Variants in NR4A3 observed in about 807,000 individuals in gnomAD.
NR4A3 encodes nuclear receptor subfamily 4 group A member 3, also known as chondrosarcoma, extraskeletal myxoid, fused to EWS.
A neutral mutation model predicts 55.6 loss-of-function variants in NR4A3; 13 were observed. The ratio of observed to expected loss-of-function variants is 0.23; its 90% CI spans 0.15 to 0.37. The LOEUF is 0.37. NR4A3 is among the 10% of genes least tolerant of loss of function. The pLI is 1.00. For synonymous variants in NR4A3, 342 were observed against 357.9 expected, an observed-to-expected ratio of 0.96 and a Z score of 0.50; for missense variants, 646 against 822.8, an observed-to-expected ratio of 0.79 and a Z score of 2.63.
intron 5 of NR4A3, among the ~76,000 whole-genome samples, chr9:99,837,880 A>G (rs1474462480): frequency 6.6e-6 from 1 of 152,150 alleles, no homozygotes; most frequent in Non-Finnish European, 1.5e-5. Flanking sequence ...GTAGTAAGTG[A>G]GCAGTTTTCT....
At chr9:99,834,154 C>A in intron 5 of NR4A3, 2 of 471,598 alleles carry the variant, frequency 4.2e-6, no homozygotes, top group Non-Finnish European at 5.7e-6. Flanking sequence ...TTAAGTCAAC[C>A]AAAACATATC....
At chr9:99,862,967 G>A (rs901197363) in intron 7 of NR4A3, among the ~76,000 whole-genome samples, 1 of 152,080 alleles carries the variant, frequency 6.6e-6, no homozygotes, top group African/African-American at 2.4e-5. Flanking sequence ...GGTCAACAGG[G>A]GTTTCAAGTG....
rs1481856732 is a variant in NR4A3, at chr9:99,828,447, C to A, written c.405C>A (p.Phe135Leu). 1.3e-6 allele frequency: 2 copies of A among 1,580,608 alleles called. No homozygotes were observed. Among genetic ancestry groups the A allele is most frequent in the East Asian group, 2.2e-5 (1 of 44,602 alleles). The change falls in exon 3 of 8, where the codon TTC (phenylalanine) becomes TTA (leucine). Residue 135 changes from phenylalanine (F) to leucine (L), a missense_variant. This residue lies in a region of NR4A3 where 426 missense variants were observed against 429.4 expected (regional missense o/e 0.99). Transcript: ENST00000395097. The surrounding 1 kb of genome is among the most constrained non-coding windows in gnomAD (Gnocchi z 7.7). ...DEVLPSTSMY[F>L]KQSPPSTPTT... ...TGCTGCCCAGCACCTCCATGTACTTCAAGCAGTCCCCACCGTCCACCCCCA... is the reference window on the plus strand; with the variant it reads ...TGCTGCCCAGCACCTCCATGTACTTAAAGCAGTCCCCACCGTCCACCCCCA...
At position 99,828,984 on chromosome 9, in the gene NR4A3, C is replaced by T; in HGVS notation, c.942C>T (p.Gly314=). Reference sequence around the variant, plus strand: ...TGCGAACCTGCGAGGGCTGCAAGGGCTTTTTCAAGGTGAGCGCACGCCGCC... The same window carrying T: ...TGCGAACCTGCGAGGGCTGCAAGGGTTTTTTCAAGGTGAGCGCACGCCGCC... The part of the protein sequence containing the change: ...YGVRTCEGCK[G]FFKRTVQKNA... The change falls in exon 3 of 8, where the codon GGC becomes GGT. Residue 314 remains glycine (G), a synonymous_variant. Transcript: ENST00000395097. The surrounding 1 kb of genome is among the most constrained non-coding windows in gnomAD (Gnocchi z 7.7). 1 of 1,372,352 alleles carries T rather than the reference C, an allele frequency of 7.3e-7. No homozygotes were observed. The highest frequency in any genetic ancestry group is 9.4e-7 in the Non-Finnish European group (1 of 1,061,070). 85.0% of individuals were successfully genotyped at this position (1,372,352 alleles called of 1,614,324 possible).
chr9:99,828,352 C>A lies in NR4A3; in HGVS notation c.310C>A (p.His104Asn). ...YHHHHHHHHH[H>N]HHHHQQQHQQ... is the part of the protein sequence containing the mutation. ...TCACCATCACCACCACCACCACCACCACCACCACCATCACCAGCAGCAGCA... is the reference window on the plus strand; with the variant it reads ...TCACCATCACCACCACCACCACCACAACCACCACCATCACCAGCAGCAGCA... The change falls in exon 3 of 8, where the codon CAC becomes AAC. Residue 104 changes from histidine (H) to asparagine (N), a missense_variant. Physicochemically the swap from His to Asn is moderately conservative, Grantham distance 68. Coordinates refer to ENST00000395097, the MANE Select transcript of NR4A3 (RefSeq NM_006981.4). This position sits in a 1 kb window ranked among gnomAD's most constrained non-coding sequence, Gnocchi z 7.7. The A allele has an allele frequency of 6.2e-7, 1 of 1,603,720 alleles. No individual in the cohort carries two copies. Among genetic ancestry groups the A allele is most frequent in the Non-Finnish European group, 8.5e-7 (1 of 1,175,858 alleles).
At chr9:99,838,866 G>T (rs1827603878) in intron 5 of NR4A3, among the ~76,000 whole-genome samples, 1 of 152,228 alleles carries the variant, frequency 6.6e-6, no homozygotes. Context: ...CATCGATATA[G>T]TTTATAATAA....
At chr9:99,835,883 C>T (rs570933505) in intron 5 of NR4A3, among the ~76,000 whole-genome samples, 12 of 152,258 alleles carry the variant, frequency 7.9e-5, no homozygotes, top group African/African-American at 2.4e-4. Context: ...GCAGATTGAC[C>T]ATGCCAGAGC....
intron 7 of NR4A3, among the ~76,000 whole-genome samples, chr9:99,855,001 T>A (rs1827904492): frequency 6.7e-6 from 1 of 149,860 alleles, no homozygotes; most frequent in Non-Finnish European, 1.5e-5. Flanking sequence ...CCTCTTTTAG[T>A]TCCTTGAGCA....
In NR4A3 at chr9:99,865,308, A is replaced by G. The variant is rs2118193854; in HGVS notation, c.*1441A>G. ...TTAGAAATTAAATAAGCAAATATATATATATATATAAATATAGCAGGTTAC... is the reference window on the plus strand; with the variant it reads ...TTAGAAATTAAATAAGCAAATATATGTATATATATAAATATAGCAGGTTAC... On this transcript the variant is annotated 3_prime_UTR_variant, in exon 8 of 8. Transcript: ENST00000395097. This position sits in a 1 kb window ranked among gnomAD's most constrained non-coding sequence, Gnocchi z 4.3. The G allele has an allele frequency of 5.9e-6, 1 of 169,982 alleles. No individual in the cohort carries two copies. The highest frequency in any genetic ancestry group is 2.4e-5 in the African/African-American group (1 of 41,916). The allele number at this position is 169,982 out of a possible 1,614,324, so 10.5% of individuals were successfully genotyped here.
Position 99,828,125 on chromosome 9 carries a change from C to T in NR4A3, c.83C>T (p.Thr28Met). Residue 28 changes from threonine to methionine, a missense_variant, in exon 3 of 8, where the codon ACG (threonine) becomes ATG (methionine). Thr to Met is a moderately conservative substitution (Grantham distance 81). Around this residue, in one of 5 missense-constraint regions of NR4A3, gnomAD observed 426 missense variants for 429.4 expected, o/e 0.99. Transcript: ENST00000395097. The surrounding 1 kb of genome is among the most constrained non-coding windows in gnomAD (Gnocchi z 7.7). ...CAGACATACAGCTCGGAATACACCA[C>T]GGAGATCATGAACCCCGACTACACC... ...AAQTYSSEYT[T>M]EIMNPDYTKL... 1.2e-6 allele frequency: 2 copies of T among 1,614,070 alleles called. No individual in the cohort carries two copies. Among genetic ancestry groups the T allele is most frequent in the African/African-American group, 1.3e-5 (1 of 74,976 alleles).
intron 5 of NR4A3, chr9:99,833,974 C>T (rs1827502993): frequency 8.8e-7 from 1 of 1,141,702 alleles, no homozygotes; most frequent in South Asian, 2.8e-5. Flanking sequence ...AACGCCACCT[C>T]TGCTACTTCC....
chr9:99,835,317 G>A (rs895359172), intron 5 of NR4A3, among the ~76,000 whole-genome samples: 1 of 152,184 alleles, frequency 6.6e-6, no homozygotes, highest in African/African-American at 2.4e-5. Context: ...GGGCTGACTT[G>A]CCCAAGGTCA....
rs145995016 is a variant in NR4A3 at position 99,866,448 on chromosome 9, A to G, written c.*2581A>G. 10 of 226,374 alleles carry G rather than the reference A, an allele frequency of 4.4e-5. No individual in the cohort carries two copies. Among genetic ancestry groups the G allele is most frequent in the African/African-American group, 2.2e-4 (10 of 45,124 alleles). 14.0% of individuals were successfully genotyped at this position (226,374 alleles called of 1,614,324 possible). The stretch of plus-strand genomic sequence containing the variant: ...TTGGAAGGAATGAAGAAGCTTTTTT[A>G]GTAATAGGTCCAGATATGAGTGCTA... On this transcript the variant is annotated 3_prime_UTR_variant, in exon 8 of 8. Coordinates refer to ENST00000395097, the MANE Select transcript of NR4A3 (RefSeq NM_006981.4).
intron 5 of NR4A3, among the ~76,000 whole-genome samples, chr9:99,838,086 C>T (rs1827591316): frequency 6.6e-6 from 1 of 152,172 alleles, no homozygotes; most frequent in South Asian, 2.1e-4. Context: ...AAACATGTCA[C>T]GTTTGATTTG....
chr9:99,832,885 A>G (rs1308098698), intron 4 of NR4A3, 67 bp downstream of exon 4: 7 of 1,344,448 alleles, frequency 5.2e-6, no homozygotes, highest in Non-Finnish European at 4.9e-6. Flanking sequence ...AAAAAAAGCT[A>G]ATATTTACAT....
At chr9:99,839,030 C>T (rs1227490271) in intron 5 of NR4A3, among the ~76,000 whole-genome samples, 1 of 152,218 alleles carries the variant, frequency 6.6e-6, no homozygotes. Context: ...GCAATGGACA[C>T]GTTGCTGAAC....
At chr9:99,837,050 GA>G (rs1486105007) in intron 5 of NR4A3, among the ~76,000 whole-genome samples, 9 of 152,040 alleles carry the variant, frequency 5.9e-5, no homozygotes, top group African/African-American at 2.2e-4. Flanking sequence ...TTTTTAAATA[GA>G]TTTTTTTTCT....
rs1237315684 is a variant in NR4A3 at position 99,828,617 on chromosome 9, A to T, written c.575A>T (p.His192Leu). The change falls in exon 3 of 8, where the codon CAC (histidine) becomes CTC (leucine). Residue 192 changes from histidine (H) to leucine (L), a missense_variant. This residue lies in a region of NR4A3 where 426 missense variants were observed against 429.4 expected (regional missense o/e 0.99). Coordinates refer to ENST00000395097, the MANE Select transcript of NR4A3 (RefSeq NM_006981.4). The surrounding 1 kb of genome is among the most constrained non-coding windows in gnomAD (Gnocchi z 7.7). The stretch of plus-strand genomic sequence containing the variant: ...GCCGGCGCGCGCTTCCCGCTCTTCC[A>T]CTTCAAGCCCTCGCCGCCGCATCCC... The part of the protein sequence containing the change: ...TVAGARFPLF[H>L]FKPSPPHPPA... The T allele has an allele frequency of 6.7e-7, 1 of 1,501,960 alleles. No individual in the cohort carries two copies. Among genetic ancestry groups the T allele is most frequent in the Non-Finnish European group, 8.8e-7 (1 of 1,136,346 alleles). 93.0% of individuals were successfully genotyped at this position (1,501,960 alleles called of 1,614,324 possible). A position where few individuals can be genotyped will look rare whatever the true frequency, so the allele number is the denominator to read the frequency against.
chr9:99,852,011 T>C (rs1406462774), intron 7 of NR4A3, among the ~76,000 whole-genome samples: 1 of 152,176 alleles, frequency 6.6e-6, no homozygotes, highest in African/African-American at 2.4e-5. Context: ...TAGGAAGTCA[T>C]AGATTATGAT....
Sources: gnomAD v4.1 joint callset for allele counts (sites outside exome capture counted in the v4.1 genomes callset) on GRCh38, gnomAD v4.1.1 for gene constraint, gnomAD v4.1.1 regional missense constraint, Gnocchi (gnomAD v3.1) non-coding constraint, MANE v1.5 for transcripts, NCBI Gene and HGNC (gene_info 2026-07-23, HGNC 2026-07-21) for gene names.